Variants in LUZP2 observed in about 807,000 individuals in gnomAD.
LUZP2 encodes the protein leucine zipper protein 2.
A neutral mutation model predicts 51.6 loss-of-function variants in LUZP2; 52 were observed. The ratio of observed to expected loss-of-function variants is 1.01; its 90% CI spans 0.81 to 1.27. The LOEUF (loss-of-function observed/expected upper bound fraction) is 1.27, where lower values mean the gene tolerates loss of function less well. Ranked by LOEUF, LUZP2 falls within the 50% of genes most tolerant of loss-of-function variation. The probability of loss-of-function intolerance (pLI) is 0.00; values close to 1 mark genes in which losing one functional copy is unlikely to be tolerated. For missense variants in LUZP2, 436 were observed against 395.4 expected (o/e 1.10, Z -0.87); for synonymous variants, 154 against 137.3 (o/e 1.12, Z -0.85).
At chr11:24,502,080 A>G (rs1015135115) in intron 1 of LUZP2, among the ~76,000 whole-genome samples, 3 of 144,002 alleles carry the variant, frequency 2.1e-5, no homozygotes, top group African/African-American at 8.6e-5. Context: ...ACAGCCTTCA[A>G]TTGTAAGGAC....
At chr11:24,540,028 T>C (rs1445807654) in intron 1 of LUZP2, among the ~76,000 whole-genome samples, 1 of 152,014 alleles carries the variant, frequency 6.6e-6, no homozygotes, top group Non-Finnish European at 1.5e-5. Context: ...TTTCCCTAGT[T>C]AGGGTGATGT....
intron 5 of LUZP2, among the ~76,000 whole-genome samples, chr11:24,859,038 G>A (rs577008994): frequency 1.6e-4 from 25 of 152,114 alleles, no homozygotes; most frequent in Non-Finnish European, 3.2e-4. Flanking sequence ...TATAGGGCAG[G>A]AAAGATTTGT....
intron 5 of LUZP2, among the ~76,000 whole-genome samples, chr11:24,798,251 T>G (rs993388348): frequency 6.6e-6 from 1 of 152,040 alleles, no homozygotes; most frequent in Non-Finnish European, 1.5e-5. Context: ...GGGATCTCAC[T>G]CTTTTGCCCG....
chr11:24,606,858 T>C (rs1853936604), intron 1 of LUZP2, among the ~76,000 whole-genome samples: 1 of 152,020 alleles, frequency 6.6e-6, no homozygotes, highest in Admixed American at 6.6e-5. Flanking sequence ...TGAGGTAATA[T>C]CTCATTGACG....
At chr11:25,044,255 G>GTATATATATATATATA (rs1297961732) in intron 9 of LUZP2, among the ~76,000 whole-genome samples, 1 of 42,378 alleles carries the variant, frequency 2.4e-5, no homozygotes, top group Non-Finnish European at 4.1e-5. Context: ...GTGTGTGTGT[G>GTATATATATATATATA]TGTATATATA....
At chr11:24,548,182 C>A (rs942342757) in intron 1 of LUZP2, among the ~76,000 whole-genome samples, 25 of 152,058 alleles carry the variant, frequency 1.6e-4, no homozygotes, top group African/African-American at 5.8e-4. Context: ...CCATTTGACC[C>A]AGCAATTTCA....
Position 24,685,094 on chromosome 11 carries a change from A to G in LUZP2, c.63-44075A>G, listed in dbSNP as rs556317589. On this transcript the variant is annotated intron_variant, in intron 1 of 11. Transcript: ENST00000336930. ...TCTATCCAAGTTTTCTCTATGGGAG[A>G]GAGTTGTCTAATTGTTGGGTCACTA... Among the ~76,000 whole-genome samples, 5 of 151,246 alleles carry G rather than the reference A, an allele frequency of 3.3e-5. No homozygotes were observed. In the South Asian group the frequency reaches 1.0e-3, roughly 31 times the overall value.
At chr11:24,563,755 T>TA (rs150458694) in intron 1 of LUZP2, among the ~76,000 whole-genome samples, 2,182 of 151,620 alleles carry the variant, frequency 0.014, 40 homozygotes, top group South Asian at 0.06. Flanking sequence ...TAGAAACATT[T>TA]AAAAAAAAAC....
At chr11:24,884,400 T>A (rs1013094173) in intron 5 of LUZP2, among the ~76,000 whole-genome samples, 1 of 152,042 alleles carries the variant, frequency 6.6e-6, no homozygotes, top group Non-Finnish European at 1.5e-5. Flanking sequence ...GTAGAATACC[T>A]GGCACAAAGT....
chr11:24,523,498 C>G (rs1387860212), intron 1 of LUZP2, among the ~76,000 whole-genome samples: 1 of 148,308 alleles, frequency 6.7e-6, no homozygotes, highest in Non-Finnish European at 1.5e-5. Flanking sequence ...CTTTTTTTTA[C>G]AAAAAAAAGA....
chr11:24,831,270 T>G (rs1014359420), intron 5 of LUZP2, among the ~76,000 whole-genome samples: 1 of 152,228 alleles, frequency 6.6e-6, no homozygotes, highest in African/African-American at 2.4e-5. Context: ...ATTTAAGCTC[T>G]TTATGCCAAA....
chr11:24,746,659 G>A (rs1433000991), intron 4 of LUZP2, among the ~76,000 whole-genome samples: 6 of 152,120 alleles, frequency 3.9e-5, no homozygotes, highest in Admixed American at 1.3e-4. Flanking sequence ...CAAACTTTTA[G>A]ATTTATCTTC....
intron 5 of LUZP2, among the ~76,000 whole-genome samples, chr11:24,806,524 ACAAGGGAGGAG>A (rs1849860730): frequency 6.6e-6 from 1 of 152,166 alleles, no homozygotes; most frequent in Non-Finnish European, 1.5e-5. Flanking sequence ...GCTTATTTTT[ACAAGGGAGGAG>A]CATTAAGTTC....
intron 9 of LUZP2, among the ~76,000 whole-genome samples, chr11:24,987,823 A>G (rs190014382): frequency 2.0e-5 from 3 of 152,010 alleles, no homozygotes; most frequent in African/African-American, 7.2e-5. Flanking sequence ...AGAAACCTCA[A>G]AACAGTGCAC....
intron 7 of LUZP2, among the ~76,000 whole-genome samples, chr11:24,943,003 G>T (rs1854796920): frequency 6.6e-6 from 1 of 152,096 alleles, no homozygotes; most frequent in African/African-American, 2.4e-5. Context: ...AAGACCAACT[G>T]ATGGTATAGT....
intron 1 of LUZP2, among the ~76,000 whole-genome samples, chr11:24,543,003 A>G (rs578067005): frequency 6.6e-6 from 1 of 151,514 alleles, no homozygotes; most frequent in Admixed American, 6.6e-5. Flanking sequence ...GTTTACTACA[A>G]GTAAATTAAA....
intron 10 of LUZP2, among the ~76,000 whole-genome samples, 161 bp downstream of exon 10, chr11:25,050,291 CTTTTTTTTTTTTTTTTTTTT>C (rs71044331): frequency 1.3e-5 from 1 of 77,158 alleles, no homozygotes; most frequent in Non-Finnish European, 2.4e-5. Flanking sequence ...TCTTTATGTT[CTTTTTTTTTTTTTTTTTTTT>C]TTTTTTTTGA....
At chr11:24,657,102 A>T (rs983147727) in intron 1 of LUZP2, among the ~76,000 whole-genome samples, 1 of 152,160 alleles carries the variant, frequency 6.6e-6, no homozygotes, top group African/African-American at 2.4e-5. Flanking sequence ...ATTTAGAAAG[A>T]TATTAATATG....
rs532929422 is a variant in LUZP2 at position 25,013,871 on chromosome 11, G to A, written c.765+30578G>A. 2.3e-4 allele frequency among the ~76,000 whole-genome samples: 35 copies of A among 152,022 alleles called. No individual in the cohort carries two copies. In the Middle Eastern group the frequency reaches 0.01, roughly 44 times the overall value. ...CCATTAGCTCATCATTTAACATTAG[G>A]TATATCTCCTAATGCTATCCCTCCC... On this transcript the variant is annotated intron_variant, in intron 9 of 11. Coordinates refer to ENST00000336930, the MANE Select transcript of LUZP2 (RefSeq NM_001009909.4).
Sources: allele counts gnomAD v4.1 joint callset (sites outside exome capture counted in the v4.1 genomes callset), GRCh38; gene constraint gnomAD v4.1.1; transcripts MANE v1.5; gene names NCBI Gene and HGNC (gene_info 2026-07-23, HGNC 2026-07-21).